The following DOCK4 variants were observed in gnomAD, a reference collection of about 807,000 sequenced individuals.
The protein encoded by DOCK4 is dedicator of cytokinesis protein 4.
In DOCK4, 97 loss-of-function variants were observed where a neutral mutation model predicts 268.1. That is an observed-to-expected ratio of 0.36 (90% confidence interval 0.31 to 0.43). The LOEUF (loss-of-function observed/expected upper bound fraction) is 0.43, where lower values mean the gene tolerates loss of function less well. Among genes scored for constraint, DOCK4 ranks in the 20% least tolerant of loss-of-function variants. The pLI is 1.00. For synonymous variants in DOCK4, 954 were observed against 887.2 expected (o/e 1.08, Z -1.34); for missense variants, 2,145 against 2,455.7 (o/e 0.87, Z 2.67).
At chr7:111,900,679 G>T in intron 14 of DOCK4, 143 bp from the exon 15 acceptor site, 1 of 836,458 alleles carries the variant, frequency 1.2e-6, no homozygotes, top group Non-Finnish European at 1.8e-6. Flanking sequence ...GTGTGTTTCT[G>T]TACTTGCTGC....
At chr7:112,048,580 C>A (rs1368511064) in intron 1 of DOCK4, among the ~76,000 whole-genome samples, 4 of 148,512 alleles carry the variant, frequency 2.7e-5, no homozygotes, top group Admixed American at 6.8e-5. Flanking sequence ...CAAAAAAAAA[C>A]AAAACAAACA....
At chr7:111,830,283 G>T (rs190077833) in intron 26 of DOCK4, among the ~76,000 whole-genome samples, 3 of 152,014 alleles carry the variant, frequency 2.0e-5, no homozygotes, top group Non-Finnish European at 4.4e-5. Flanking sequence ...AAAATCCGCC[G>T]GGCGTGGTGG....
intron 23 of DOCK4, among the ~76,000 whole-genome samples, chr7:111,860,609 C>T (rs993432915): frequency 1.8e-4 from 28 of 152,098 alleles, no homozygotes; most frequent in African/African-American, 2.9e-4. Flanking sequence ...TCTTCTCTTC[C>T]TTTTCCACGC....
intron 3 of DOCK4, among the ~76,000 whole-genome samples, chr7:111,999,869 G>A (rs1586608923): frequency 1.3e-5 from 2 of 151,918 alleles, no homozygotes; most frequent in Non-Finnish European, 2.9e-5. Flanking sequence ...GAAAAACACA[G>A]ATATTAGTAA....
In DOCK4 at chr7:112,152,089, C is replaced by T. The variant is rs551247905; in HGVS notation, c.37+54013G>A. 3.9e-4 allele frequency among the ~76,000 whole-genome samples: 60 copies of T among 152,104 alleles called. 1 individual carries two copies. The South Asian group carries it at 0.012, about 30-fold the overall frequency. The stretch of plus-strand genomic sequence containing the variant: ...AAGACATACAAATGAATAATGAATG[C>T]TGTTTTCTCAAATGCTCTATTCATA... On this transcript the variant is annotated intron_variant, in intron 1 of 52. Transcript: ENST00000428084.
chr7:111,746,169 A>G (rs1275620930), intron 44 of DOCK4, among the ~76,000 whole-genome samples, 165 bp downstream of exon 44: 1 of 152,200 alleles, frequency 6.6e-6, no homozygotes, highest in Non-Finnish European at 1.5e-5. Flanking sequence ...CGGAGTGGGA[A>G]GAAGAAGTAG....
intron 17 of DOCK4, among the ~76,000 whole-genome samples, chr7:111,875,990 A>AGG (rs1215166717): frequency 6.6e-6 from 1 of 152,218 alleles, no homozygotes; most frequent in Admixed American, 6.5e-5. Flanking sequence ...AGAATAAATA[A>AGG]AAATTTCTGT....
At chr7:112,181,959 C>T (rs933138530) in intron 1 of DOCK4, among the ~76,000 whole-genome samples, 12 of 152,200 alleles carry the variant, frequency 7.9e-5, no homozygotes, top group African/African-American at 2.9e-4. Context: ...GGGCCAGGAA[C>T]CTCAACAATC....
chr7:111,944,719 C>G, intron 10 of DOCK4, 92 bp downstream of exon 10: 1 of 1,225,228 alleles, frequency 8.2e-7, no homozygotes, highest in Non-Finnish European at 1.2e-6. Flanking sequence ...CTTTCTGATT[C>G]AGACAGCAAT....
At chr7:112,030,559 G>A (rs1803184574) in intron 1 of DOCK4, among the ~76,000 whole-genome samples, 1 of 152,032 alleles carries the variant, frequency 6.6e-6, no homozygotes, top group South Asian at 2.1e-4. Context: ...AGGGTTACAG[G>A]CCCCACACAT....
At chr7:111,790,382 T>C (rs964508262) in intron 31 of DOCK4, 75 bp downstream of exon 31, 1 of 1,545,712 alleles carries the variant, frequency 6.5e-7, no homozygotes, top group Non-Finnish European at 8.8e-7. Flanking sequence ...CAAGTTGGAG[T>C]TGAATCCAGA....
chr7:112,205,697 C>A (rs1411308588), intron 1 of DOCK4, among the ~76,000 whole-genome samples: 1 of 152,000 alleles, frequency 6.6e-6, no homozygotes, highest in Non-Finnish European at 1.5e-5. Context: ...CCAGAGGAAC[C>A]GTTGCAGCTC....
At chr7:112,000,206 A>G (rs1226848507) in intron 3 of DOCK4, among the ~76,000 whole-genome samples, 6 of 152,122 alleles carry the variant, frequency 3.9e-5, no homozygotes, top group Admixed American at 3.9e-4. Flanking sequence ...CTGAATTTTA[A>G]TTTAGCTCTC....
intron 49 of DOCK4, 128 bp downstream of exon 49, chr7:111,739,006 C>T: frequency 1.4e-6 from 1 of 693,562 alleles, no homozygotes; most frequent in Non-Finnish European, 2.5e-6. Context: ...GTGCAATCTT[C>T]ACCAGCTGGA....
intron 1 of DOCK4, among the ~76,000 whole-genome samples, chr7:112,005,684 AAAC>A (rs1424870497): frequency 0.01 from 1,588 of 152,258 alleles, 27 homozygotes; most frequent in African/African-American, 0.035. Context: ...TTGCCTTTCC[AAAC>A]TCTGCACTAC....
intron 1 of DOCK4, among the ~76,000 whole-genome samples, chr7:112,146,316 GCTTT>G (rs1815486872): frequency 6.6e-6 from 1 of 152,136 alleles, no homozygotes; most frequent in South Asian, 2.1e-4. Context: ...GCTTTCCAAG[GCTTT>G]CTTTAACAAG....
At chr7:111,776,430 G>T (rs1798446301) in intron 36 of DOCK4, among the ~76,000 whole-genome samples, 1 of 152,172 alleles carries the variant, frequency 6.6e-6, no homozygotes, top group South Asian at 2.1e-4. Flanking sequence ...AGGCTCAATA[G>T]CTGAATGAAG....
intron 1 of DOCK4, among the ~76,000 whole-genome samples, chr7:112,033,282 C>T (rs1468482797): frequency 6.6e-6 from 1 of 152,064 alleles, no homozygotes; most frequent in Non-Finnish European, 1.5e-5. Flanking sequence ...GGCCCATTAC[C>T]TACTGCTTGA....
chr7:111,959,419 G>A (rs1405505844), intron 8 of DOCK4, among the ~76,000 whole-genome samples: 1 of 152,114 alleles, frequency 6.6e-6, no homozygotes, highest in Admixed American at 6.5e-5. Context: ...CATGATTGAT[G>A]TTCAAAACAA....
Sources: allele counts gnomAD v4.1 joint callset (sites outside exome capture counted in the v4.1 genomes callset), GRCh38; gene constraint gnomAD v4.1.1; transcripts MANE v1.5; gene names NCBI Gene and HGNC (gene_info 2026-07-23, HGNC 2026-07-21).